KLHDC10: variants seen among roughly 807,000 people sequenced by gnomAD.
The protein encoded by KLHDC10 is kelch domain-containing protein 10.
KLHDC10 carries 24 observed loss-of-function variants against 56.1 expected under a neutral mutation model. The ratio of observed to expected loss-of-function variants is 0.43; its 90% confidence interval spans 0.31 to 0.60. The LOEUF (loss-of-function observed/expected upper bound fraction) is 0.60. Among genes scored for constraint, KLHDC10 ranks in the 20% least tolerant of loss-of-function variants. The pLI, the probability that KLHDC10 is intolerant of heterozygous loss-of-function variation, is 0.11. For missense variants in KLHDC10, 349 were observed against 567.0 expected (o/e 0.62, Z 3.91); for synonymous variants, 188 against 207.1 (o/e 0.91, Z 0.79).
At chr7:130,086,709 G>A (rs926699937) in intron 1 of KLHDC10, among the ~76,000 whole-genome samples, 1 of 152,138 alleles carries the variant, frequency 6.6e-6, no homozygotes, top group Non-Finnish European at 1.5e-5. Context: ...AAAGTATTGT[G>A]TTGTGTGAAT....
Position 130,070,666 on chromosome 7 carries a change from A to T in KLHDC10, c.23A>T (p.Asp8Val), listed in dbSNP as rs976471643. ...GTCATGTCGGCCGCCCAGGGCTGGG[A>T]CAGGAACCGCCGGAGGGGAGGAGGC... is the stretch of plus-strand genomic sequence containing the variant. MSAAQGW[D>V]RNRRRGGGAA... Residue 8 changes from aspartate (D) to valine (V), a missense_variant, in exon 1 of 10, where the codon GAC becomes GTC. Physicochemically the swap from Asp to Val is radical, Grantham distance 152. This residue lies in a region of KLHDC10 where 104 missense variants were observed against 97.0 expected (regional missense o/e 1.07). Transcript: ENST00000335420. 3 of 1,312,748 alleles carry T rather than the reference A, an allele frequency of 2.3e-6. No individual in the cohort carries two copies. The highest frequency in any genetic ancestry group is 2.9e-6 in the Non-Finnish European group (3 of 1,025,336). The allele number at this position is 1,312,748 out of a possible 1,614,324, so 81.3% of individuals were successfully genotyped here. A position where few individuals can be genotyped will look rare whatever the true frequency, so the allele number is the denominator to read the frequency against.
At chr7:130,113,599 C>T (rs1288902526) in intron 2 of KLHDC10, among the ~76,000 whole-genome samples, 1 of 152,162 alleles carries the variant, frequency 6.6e-6, no homozygotes, top group Non-Finnish European at 1.5e-5. Context: ...TCCCAAAGTG[C>T]TTGGATTACA....
At chr7:130,093,023 C>CT (rs369988013) in intron 1 of KLHDC10, among the ~76,000 whole-genome samples, 2 of 149,354 alleles carry the variant, frequency 1.3e-5, no homozygotes, top group Non-Finnish European at 3.0e-5. Context: ...TTTTTAATGA[C>CT]TTTTTTTTGT....
chr7:130,087,716 T>G (rs756612007), intron 1 of KLHDC10, among the ~76,000 whole-genome samples: 1 of 152,020 alleles, frequency 6.6e-6, no homozygotes, highest in African/African-American at 2.4e-5. Flanking sequence ...ACAAATTCCT[T>G]AAAACACACA....
At position 130,130,393 on chromosome 7, in the gene KLHDC10, T is replaced by C; in HGVS notation, c.1120-144T>C. On this transcript the variant is annotated intron_variant, in intron 9 of 9. Coordinates refer to ENST00000335420, the MANE Select transcript of KLHDC10 (RefSeq NM_014997.4). This position sits in a 1 kb window ranked among gnomAD's most constrained non-coding sequence, Gnocchi z 4.2. Reference sequence around the variant, plus strand: ...TAATTCATTAATTATTTAAACCCTCTTGATCTCCACATGGTATTGGGATCA... The same window carrying C: ...TAATTCATTAATTATTTAAACCCTCCTGATCTCCACATGGTATTGGGATCA... The C allele has an allele frequency of 1.6e-6, 1 of 614,100 alleles. No homozygotes were observed. The highest frequency in any genetic ancestry group is 2.8e-5 in the East Asian group (1 of 36,054). 38.0% of individuals were successfully genotyped at this position (614,100 alleles called of 1,614,324 possible).
intron 2 of KLHDC10, among the ~76,000 whole-genome samples, chr7:130,100,262 A>G (rs1367092452): frequency 1.3e-5 from 2 of 152,136 alleles, no homozygotes; most frequent in Non-Finnish European, 1.5e-5. Context: ...TCAGTCCAAG[A>G]GTATTTCCAG....
chr7:130,110,036 C>T (rs941263931), intron 2 of KLHDC10, among the ~76,000 whole-genome samples: 10 of 152,176 alleles, frequency 6.6e-5, no homozygotes, highest in African/African-American at 2.2e-4. Flanking sequence ...AGTTTCTCAG[C>T]GTTTGTCTTT....
In KLHDC10 at chr7:130,120,765, C is replaced by A; in HGVS notation, c.492C>A (p.Asn164Lys). 6.2e-7 allele frequency: 1 copy of A among 1,614,072 alleles called. No homozygotes were observed. The highest frequency in any genetic ancestry group is 8.5e-7 in the Non-Finnish European group (1 of 1,179,948). Residue 164 changes from asparagine to lysine, a missense_variant, in exon 4 of 10, where the codon AAC becomes AAA. This residue lies in a region of KLHDC10 where 245 missense variants were observed against 470.1 expected (regional missense o/e 0.52). Transcript: ENST00000335420. The surrounding 1 kb of genome is among the most constrained non-coding windows in gnomAD (Gnocchi z 5.1). Reference protein sequence around the residue: ...LASMSLVLHGNNLLVFGGTGI... With the variant: ...LASMSLVLHGKNLLVFGGTGI... ...CTTCCTCAGTTGTGCTGCATGGAAACAACCTGTTAGTATTTGGAGGTACGG... is the reference window on the plus strand; with the variant it reads ...CTTCCTCAGTTGTGCTGCATGGAAAAAACCTGTTAGTATTTGGAGGTACGG...
In KLHDC10 at chr7:130,073,221, C is replaced by A. The variant is rs528777566; in HGVS notation, c.166+2412C>A. On this transcript the variant is annotated intron_variant, in intron 1 of 9. Coordinates refer to ENST00000335420, the MANE Select transcript of KLHDC10 (RefSeq NM_014997.4). Reference sequence around the variant, plus strand: ...ACATCTCAAGTTAAAAATTAAAAAACAACAACAACAACAACAAAAAACTAT... The same window carrying A: ...ACATCTCAAGTTAAAAATTAAAAAAAAACAACAACAACAACAAAAAACTAT... 5.1e-4 allele frequency among the ~76,000 whole-genome samples: 77 copies of A among 150,802 alleles called. 1 individual carries two copies. The highest frequency in any genetic ancestry group is 7.0e-4 in the African/African-American group (29 of 41,244).
In KLHDC10 at chr7:130,116,742, T is replaced by C. The variant is rs1796173991; in HGVS notation, c.475+76T>C. On this transcript the variant is annotated intron_variant, in intron 3 of 9. Transcript: ENST00000335420. This position sits in a 1 kb window ranked among gnomAD's most constrained non-coding sequence, Gnocchi z 4.8. ...CAGGTTCAATGTCCCATATTCCTCA[T>C]TAATAATTTATAACACTATAATGTG... 1 of 1,185,820 alleles carries C rather than the reference T, an allele frequency of 8.4e-7. No individual in the cohort carries two copies. Among genetic ancestry groups the C allele is most frequent in the African/African-American group, 1.5e-5 (1 of 66,410 alleles). 73.5% of individuals were successfully genotyped at this position (1,185,820 alleles called of 1,614,324 possible). A position where few individuals can be genotyped will look rare whatever the true frequency, so the allele number is the denominator to read the frequency against.
Position 130,120,996 on chromosome 7 carries a change from T to C in KLHDC10, c.630+93T>C. The C allele has an allele frequency of 8.0e-7, 1 of 1,256,606 alleles. No individual in the cohort carries two copies. Among genetic ancestry groups the C allele is most frequent in the East Asian group, 2.5e-5 (1 of 40,078 alleles). 77.8% of individuals were successfully genotyped at this position (1,256,606 alleles called of 1,614,324 possible). On this transcript the variant is annotated intron_variant, in intron 4 of 9. Coordinates refer to ENST00000335420, the MANE Select transcript of KLHDC10 (RefSeq NM_014997.4). This position sits in a 1 kb window ranked among gnomAD's most constrained non-coding sequence, Gnocchi z 5.1. ...ATTTGTAATTGTTACCATTTTATTT[T>C]AATGGAGAAGAGTTCTTTGTGGTTA... is the stretch of plus-strand genomic sequence containing the variant.
At chr7:130,125,269 C>T (rs751861792) in intron 6 of KLHDC10, among the ~76,000 whole-genome samples, 7 of 152,120 alleles carry the variant, frequency 4.6e-5, no homozygotes, top group Non-Finnish European at 1.0e-4. Flanking sequence ...GGGCTGGGTG[C>T]GGTAGCTCAT....
At chr7:130,112,369 C>T (rs1796114015) in intron 2 of KLHDC10, among the ~76,000 whole-genome samples, 1 of 152,158 alleles carries the variant, frequency 6.6e-6, no homozygotes, top group South Asian at 2.1e-4. Flanking sequence ...AATCCTTTAG[C>T]TTCATGTTCC....
chr7:130,108,914 GCT>G (rs763734241), intron 2 of KLHDC10, among the ~76,000 whole-genome samples: 24 of 151,834 alleles, frequency 1.6e-4, no homozygotes, highest in African/African-American at 3.1e-4. Context: ...ATGATGTCTT[GCT>G]CTCTCTCTCT....
At position 130,130,877 on chromosome 7, in the gene KLHDC10, A is replaced by T; in HGVS notation, c.*131A>T. ...AGGCCTTATTTAGAAAATACATCAG[A>T]TGCCTTTCTGTAAATTGGTTTTTCA... On this transcript the variant is annotated 3_prime_UTR_variant, in exon 10 of 10. Coordinates refer to ENST00000335420, the MANE Select transcript of KLHDC10 (RefSeq NM_014997.4). This position sits in a 1 kb window ranked among gnomAD's most constrained non-coding sequence, Gnocchi z 4.2. 3.6e-6 allele frequency: 3 copies of T among 831,412 alleles called. No homozygotes were observed. The highest frequency in any genetic ancestry group is 3.8e-6 in the Non-Finnish European group (2 of 525,012). The allele number at this position is 831,412 out of a possible 1,614,324, so 51.5% of individuals were successfully genotyped here. A position where few individuals can be genotyped will look rare whatever the true frequency, so the allele number is the denominator to read the frequency against.
At chr7:130,108,909 G>A (rs1796059980) in intron 2 of KLHDC10, among the ~76,000 whole-genome samples, 1 of 151,942 alleles carries the variant, frequency 6.6e-6, no homozygotes, top group African/African-American at 2.4e-5. Flanking sequence ...CAGACATGAT[G>A]TCTTGCTCTC....
intron 1 of KLHDC10, among the ~76,000 whole-genome samples, chr7:130,078,007 T>G (rs1272420064): frequency 6.6e-6 from 1 of 152,192 alleles, no homozygotes. Context: ...ATAACAGGTA[T>G]AGCTAAATAA....
intron 2 of KLHDC10, among the ~76,000 whole-genome samples, chr7:130,114,069 T>A (rs1796135790): frequency 6.6e-6 from 1 of 152,228 alleles, no homozygotes; most frequent in Non-Finnish European, 1.5e-5. Flanking sequence ...GACACTGTTT[T>A]AATCTTCCCT....
Position 130,122,228 on chromosome 7 carries a change from T to A in KLHDC10, c.779+26T>A, listed in dbSNP as rs192628178. On this transcript the variant is annotated intron_variant, in intron 5 of 9. Coordinates refer to ENST00000335420, the MANE Select transcript of KLHDC10 (RefSeq NM_014997.4). ...GTGAGGTTCTAGGATTCAAGCATAT[T>A]TATTCTTTCGTGCTAACATTTGACC... is the stretch of plus-strand genomic sequence containing the variant. 6.8e-3 allele frequency: 10,967 copies of A among 1,608,998 alleles called. 55 individuals are homozygous for A. Among genetic ancestry groups the A allele is most frequent in the Middle Eastern group, 0.015 (90 of 6,018 alleles).
Sources: gnomAD v4.1 joint callset for allele counts (sites outside exome capture counted in the v4.1 genomes callset) on GRCh38, gnomAD v4.1.1 for gene constraint, gnomAD v4.1.1 regional missense constraint, Gnocchi (gnomAD v3.1) non-coding constraint, MANE v1.5 for transcripts, NCBI Gene and HGNC (gene_info 2026-07-23, HGNC 2026-07-21) for gene names.